CCDC47: variants seen among roughly 807,000 people sequenced by gnomAD.
CCDC47 encodes the protein PAT complex subunit CCDC47.
A neutral mutation model predicts 60.5 loss-of-function variants in CCDC47; 41 were observed. The observed-to-expected ratio is 0.68, with a 90% CI of 0.53 to 0.88. The LOEUF is 0.88. CCDC47 is among the 40% of genes least tolerant of loss of function. The probability of loss-of-function intolerance (pLI) is 0.00; values close to 1 mark genes in which losing one functional copy is unlikely to be tolerated. For synonymous variants in CCDC47, 195 were observed against 190.7 expected (o/e 1.02, Z -0.18); for missense variants, 513 against 580.9 (o/e 0.88, Z 1.20).
chr17:63,766,056 A>T lies in CCDC47; in HGVS notation c.120T>A (p.Ala40=). The change falls in exon 2 of 13, where the codon GCT becomes GCA. Residue 40 remains alanine (A), a synonymous_variant. Coordinates refer to ENST00000225726, the MANE Select transcript of CCDC47 (RefSeq NM_020198.3). ...AGTCTTCCATGACATCCTCAAATTC[A>T]GCGAAGTCATTATCATCATACTCTA... The part of the protein sequence containing the change: ...DIVEYDDNDF[A]EFEDVMEDSV... The T allele has an allele frequency of 6.2e-7, 1 of 1,614,124 alleles. No homozygotes were observed. Among genetic ancestry groups the T allele is most frequent in the East Asian group, 2.2e-5 (1 of 44,880 alleles).
At position 63,761,308 on chromosome 17, in the gene CCDC47, C is replaced by G. The variant is rs1212334663; in HGVS notation, c.591G>C (p.Leu197Phe). 1 of 1,613,928 alleles carries G rather than the reference C, an allele frequency of 6.2e-7. No homozygotes were observed. The highest frequency in any genetic ancestry group is 1.3e-5 in the African/African-American group (1 of 74,882). ...TNKEATSTGK[L>F]NQENEHIYNL... The stretch of plus-strand genomic sequence containing the variant: ...TATAGATGTGCTCATTCTCCTGGTT[C>G]AACTTTCCTGTGCTTGTGGCTTCTT... The change falls in exon 5 of 13, where the codon TTG becomes TTC. Residue 197 changes from leucine to phenylalanine, a missense_variant. Physicochemically the swap from Leu to Phe is conservative, Grantham distance 22. Coordinates refer to ENST00000225726, the MANE Select transcript of CCDC47 (RefSeq NM_020198.3).
intron 1 of CCDC47, chr17:63,766,658 A>T (rs2039300112): frequency 5.4e-6 from 1 of 184,260 alleles, no homozygotes; most frequent in African/African-American, 2.4e-5. Flanking sequence ...TCCTGACCTC[A>T]GGGTGATCCA....
intron 4 of CCDC47, 165 bp from the exon 5 acceptor site, chr17:63,761,516 CT>C: frequency 1.8e-5 from 3 of 163,678 alleles, no homozygotes; most frequent in Non-Finnish European, 9.4e-6. Flanking sequence ...CCTGTCCCTA[CT>C]AAAAAAAAAA....
chr17:63,768,626 C>T lies in CCDC47; in HGVS notation c.-19-2432G>A, dbSNP rs138246490. Among the ~76,000 whole-genome samples, 815 of 152,074 alleles carry T rather than the reference C, an allele frequency of 5.4e-3. 6 individuals are homozygous for T. The highest frequency in any genetic ancestry group is 0.018 in the African/African-American group (744 of 41,460). ...AATTGCTTGAGCTCACGAGGCCGGC[C>T]GAGGCTGCAGTGAACTGTGATCATG... On this transcript the variant is annotated intron_variant, in intron 1 of 12. Coordinates refer to ENST00000225726, the MANE Select transcript of CCDC47 (RefSeq NM_020198.3).
intron 6 of CCDC47, among the ~76,000 whole-genome samples, chr17:63,759,522 T>A (rs1250532511): frequency 0.11 from 737 of 6,478 alleles, 122 homozygotes; most frequent in African/African-American, 0.45. Context: ...TATATATATA[T>A]ATATTTATAT....
At chr17:63,771,833 G>A (rs1247726307) in intron 1 of CCDC47, among the ~76,000 whole-genome samples, 2 of 152,158 alleles carry the variant, frequency 1.3e-5, no homozygotes, top group Non-Finnish European at 2.9e-5. Flanking sequence ...TGTAATCTCA[G>A]CACTTTGGGA....
intron 6 of CCDC47, among the ~76,000 whole-genome samples, chr17:63,756,812 C>G (rs2039211146): frequency 6.6e-6 from 1 of 152,108 alleles, no homozygotes; most frequent in African/African-American, 2.4e-5. Context: ...CCAACTTAAT[C>G]AAGCAAGTCC....
chr17:63,756,944 C>T (rs2039211806), intron 6 of CCDC47, among the ~76,000 whole-genome samples: 1 of 152,082 alleles, frequency 6.6e-6, no homozygotes, highest in Non-Finnish European at 1.5e-5. Flanking sequence ...CTGAGTGGTT[C>T]CCAGTTGACA....
intron 6 of CCDC47, 32 bp from the exon 7 acceptor site, chr17:63,756,602 C>A: frequency 6.7e-7 from 1 of 1,492,526 alleles, no homozygotes; most frequent in South Asian, 1.1e-5. Context: ...CAACAAAATT[C>A]ACCTGTTAGG....
chr17:63,751,348 AGAGT>A (rs1210709239), intron 12 of CCDC47, among the ~76,000 whole-genome samples: 1 of 122,440 alleles, frequency 8.2e-6, no homozygotes, highest in Non-Finnish European at 1.6e-5. Context: ...CCTGGGTGAC[AGAGT>A]GAGACTCCAT....
intron 2 of CCDC47, chr17:63,765,493 A>T (rs1422405035): frequency 6.4e-6 from 1 of 155,626 alleles, no homozygotes; most frequent in Non-Finnish European, 1.4e-5. Flanking sequence ...GGCACGCACC[A>T]CCACGCCCAG....
intron 6 of CCDC47, among the ~76,000 whole-genome samples, chr17:63,757,030 T>C (rs902830180): frequency 1.3e-5 from 2 of 151,586 alleles, no homozygotes; most frequent in Admixed American, 6.6e-5. Context: ...CATGACTGCT[T>C]GATGTCAGGA....
At chr17:63,770,985 C>CAAAAAA (rs760648451) in intron 1 of CCDC47, among the ~76,000 whole-genome samples, 3 of 49,190 alleles carry the variant, frequency 6.1e-5, no homozygotes, top group African/African-American at 2.4e-4. Flanking sequence ...GAGACTGTGT[C>CAAAAAA]AAAAAAAAAA....
chr17:63,749,387 T>A (rs2039144949), intron 12 of CCDC47, among the ~76,000 whole-genome samples: 1 of 140,436 alleles, frequency 7.1e-6, no homozygotes, highest in Non-Finnish European at 1.5e-5. Context: ...ACAGCAAGAC[T>A]ATGTCTCAAA....
rs141115078 is a variant in CCDC47 at position 63,757,547 on chromosome 17, C to T, written c.736-977G>A. On this transcript the variant is annotated intron_variant, in intron 6 of 12. Transcript: ENST00000225726. ...TAGAGGACCCACTCAATACATGCTG[C>T]ACTTCTGACCTGCAGAAACGGTAAC... is the stretch of plus-strand genomic sequence containing the variant. 2.7e-4 allele frequency among the ~76,000 whole-genome samples: 41 copies of T among 152,218 alleles called. No homozygotes were observed. The East Asian group carries it at 7.3e-3, about 27-fold the overall frequency.
chr17:63,764,554 G>A (rs1031732644), intron 3 of CCDC47, among the ~76,000 whole-genome samples, 186 bp downstream of exon 3: 3 of 151,526 alleles, frequency 2.0e-5, no homozygotes, highest in Non-Finnish European at 4.4e-5. Flanking sequence ...GGTTGCTTCT[G>A]TAGGTGTTGA....
At chr17:63,753,665 A>G (rs2039183398) in intron 9 of CCDC47, 1 of 980,068 alleles carries the variant, frequency 1.0e-6, no homozygotes, top group South Asian at 4.7e-5. Context: ...TAGAAACCCT[A>G]TGGACATTGT....
intron 1 of CCDC47, chr17:63,766,823 T>C: frequency 1.0e-6 from 1 of 978,526 alleles, no homozygotes; most frequent in Non-Finnish European, 1.2e-6. Context: ...AAAAGCTTTC[T>C]ATAGAAAATG....
rs756201397 is a variant in CCDC47 at position 63,752,017 on chromosome 17, G to A, written c.1294C>T (p.Arg432Trp). The A allele has an allele frequency of 1.2e-6, 2 of 1,613,274 alleles. No homozygotes were observed. Among genetic ancestry groups the A allele is most frequent in the South Asian group, 1.1e-5 (1 of 91,062 alleles). ...TCTGCTCTTTTTTTCTCCTCCCGCC[G>A]AGACTGTGCTGCTTCCTGTCTTTGC... is the stretch of plus-strand genomic sequence containing the variant. ...HVQRQEAAQS[R>W]REEKKRAEKE... is the part of the protein sequence containing the mutation. Residue 432 changes from arginine (R) to tryptophan (W), a missense_variant, in exon 12 of 13, where the codon CGG (arginine) becomes TGG (tryptophan). Transcript: ENST00000225726.
Sources: allele counts gnomAD v4.1 joint callset (sites outside exome capture counted in the v4.1 genomes callset), GRCh38; gene constraint gnomAD v4.1.1; transcripts MANE v1.5; gene names NCBI Gene and HGNC (gene_info 2026-07-23, HGNC 2026-07-21).